HELZ: variants seen among roughly 807,000 people sequenced by gnomAD.
The protein encoded by HELZ is ATP-dependent RNA helicase with zinc finger domain.
In HELZ, 23 loss-of-function variants were observed where a neutral mutation model predicts 218.2. That is an observed-to-expected ratio of 0.11 (90% CI 0.08 to 0.15). The LOEUF (loss-of-function observed/expected upper bound fraction) is 0.15. Among genes scored for constraint, HELZ ranks in the 10% least tolerant of loss-of-function variants. The pLI is 1.00. For missense variants in HELZ, 1,813 were observed against 2,353.7 expected (o/e 0.77, Z 4.75); for synonymous variants, 814 against 829.4 (o/e 0.98, Z 0.32).
rs2039809278 is a variant in HELZ at position 67,188,243 on chromosome 17, T to C, written c.1162+76A>G. On this transcript the variant is annotated intron_variant, in intron 12 of 32. Coordinates refer to ENST00000358691, the MANE Select transcript of HELZ (RefSeq NM_014877.4). The surrounding 1 kb of genome is among the most constrained non-coding windows in gnomAD (Gnocchi z 4.1). ...CTATTCTCTTCCTATCCATGGAATA[T>C]ATTCAGGGGCCAATACATATCTTTG... 7.5e-7 allele frequency: 1 copy of C among 1,327,646 alleles called. No individual in the cohort carries two copies. 82.2% of individuals were successfully genotyped at this position (1,327,646 alleles called of 1,614,324 possible). A position where few individuals can be genotyped will look rare whatever the true frequency, so the allele number is the denominator to read the frequency against.
rs749207696 is a variant in HELZ at position 67,178,832 on chromosome 17, A to T, written c.1257T>A (p.Asn419Lys). 1 of 1,613,836 alleles carries T rather than the reference A, an allele frequency of 6.2e-7. No homozygotes were observed. Among genetic ancestry groups the T allele is most frequent in the East Asian group, 2.2e-5 (1 of 44,864 alleles). ...GGCTCTTCTCCAAATCAGTAGTTTC[A>T]TTAGGTTCAAAATCTATAATAGTCT... is the stretch of plus-strand genomic sequence containing the variant. ...SSKTIIDFEP[N>K]ETTDLEKSLL... is the part of the protein sequence containing the mutation. The change falls in exon 13 of 33, where the codon AAT becomes AAA. Residue 419 changes from asparagine (N) to lysine (K), a missense_variant. Asn to Lys is a moderately conservative substitution (Grantham distance 94, BLOSUM62 0). Around this residue, in one of 4 missense-constraint regions of HELZ, gnomAD observed 714 missense variants for 1,029.2 expected, o/e 0.69. Transcript: ENST00000358691.
intron 5 of HELZ, among the ~76,000 whole-genome samples, chr17:67,209,250 T>C (rs2040391859): frequency 6.6e-6 from 1 of 152,164 alleles, no homozygotes; most frequent in Non-Finnish European, 1.5e-5. Context: ...ATACAGTTCT[T>C]TTTGTGCCTG....
At position 67,178,836 on chromosome 17, in the gene HELZ, G is replaced by C. The variant is rs147625087; in HGVS notation, c.1253C>G (p.Pro418Arg). Residue 418 changes from proline to arginine, a missense_variant, in exon 13 of 33, where the codon CCT (proline) becomes CGT (arginine). By Grantham distance (103) the Pro-to-Arg change is moderately radical (BLOSUM62 -2). Transcript: ENST00000358691. ...CTTCTCCAAATCAGTAGTTTCATTA[G>C]GTTCAAAATCTATAATAGTCTTAGA... ...SSSKTIIDFEPNETTDLEKSL... is the reference protein window; with the variant it reads ...SSSKTIIDFERNETTDLEKSL... 1.2e-6 allele frequency: 2 copies of C among 1,613,618 alleles called. No individual in the cohort carries two copies. The highest frequency in any genetic ancestry group is 1.7e-5 in the Admixed American group (1 of 60,006).
chr17:67,224,269 G>C (rs1326127946), intron 3 of HELZ: 1 of 156,234 alleles, frequency 6.4e-6, no homozygotes, highest in Non-Finnish European at 1.4e-5. Flanking sequence ...AGAAACTACA[G>C]GGGGTTGAAT....
intron 23 of HELZ, among the ~76,000 whole-genome samples, chr17:67,133,806 C>T (rs1030804989): frequency 2.6e-5 from 4 of 152,188 alleles, no homozygotes; most frequent in African/African-American, 7.2e-5. Context: ...TGAGCCACTG[C>T]GCCTGGCCGG....
At chr17:67,106,571 T>C (rs2037110772) in intron 31 of HELZ, among the ~76,000 whole-genome samples, 1 of 152,222 alleles carries the variant, frequency 6.6e-6, no homozygotes, top group African/African-American at 2.4e-5. Flanking sequence ...CCTCCCCAAG[T>C]GCTGGGATTA....
intron 17 of HELZ, among the ~76,000 whole-genome samples, chr17:67,157,934 T>C (rs1480921985): frequency 6.6e-6 from 1 of 152,196 alleles, no homozygotes; most frequent in Non-Finnish European, 1.5e-5. Context: ...GATACTGATC[T>C]TGAGAACCAC....
Position 67,233,089 on chromosome 17 carries a change from G to A in HELZ, c.-19+6344C>T, listed in dbSNP as rs182226696. Among the ~76,000 whole-genome samples the A allele has an allele frequency of 2.7e-4, 41 of 152,326 alleles. 1 individual carries two copies. In the East Asian group the frequency reaches 5.8e-3, roughly 22 times the overall value. ...GCAGAGGTTGCAGTGAGTCGAGATC[G>A]AGCCATTGCACTCCAGCTTAGGCGA... is the stretch of plus-strand genomic sequence containing the variant. On this transcript the variant is annotated intron_variant, in intron 3 of 32. Coordinates refer to ENST00000358691, the MANE Select transcript of HELZ (RefSeq NM_014877.4).
In HELZ at chr17:67,188,291, T is replaced by C; in HGVS notation, c.1162+28A>G. ...TTGAATGTTGCTTTTTAACACATTG[T>C]ATCGGGGGAAAAAAGTCTAAATATT... On this transcript the variant is annotated intron_variant, in intron 12 of 32. Coordinates refer to ENST00000358691, the MANE Select transcript of HELZ (RefSeq NM_014877.4). This position sits in a 1 kb window ranked among gnomAD's most constrained non-coding sequence, Gnocchi z 4.1. The C allele has an allele frequency of 7.0e-6, 11 of 1,575,776 alleles. No homozygotes were observed. The highest frequency in any genetic ancestry group is 9.5e-6 in the Non-Finnish European group (11 of 1,156,112).
At chr17:67,091,708 T>C (rs2036578937) in intron 31 of HELZ, among the ~76,000 whole-genome samples, 1 of 152,182 alleles carries the variant, frequency 6.6e-6, no homozygotes, top group African/African-American at 2.4e-5. Flanking sequence ...CCTGGTAATT[T>C]TTCACTGAAA....
chr17:67,212,180 G>T (rs1353553030), intron 5 of HELZ, among the ~76,000 whole-genome samples: 1 of 151,646 alleles, frequency 6.6e-6, no homozygotes, highest in Non-Finnish European at 1.5e-5. Flanking sequence ...AATTAGCTGG[G>T]CATGATGGCA....
At position 67,135,953 on chromosome 17, in the gene HELZ, C is replaced by A; in HGVS notation, c.3182+17G>T. On this transcript the variant is annotated intron_variant, in intron 23 of 32. Transcript: ENST00000358691. ...TCACATTTCCCCTTTAATGTCTCAA[C>A]ATTAACACATAATTACCTGCATCTT... 6.3e-7 allele frequency: 1 copy of A among 1,582,082 alleles called. No homozygotes were observed.
At chr17:67,210,431 C>G (rs2040421420) in intron 5 of HELZ, among the ~76,000 whole-genome samples, 1 of 152,180 alleles carries the variant, frequency 6.6e-6, no homozygotes. Flanking sequence ...ACCCAAGCCC[C>G]TTTGTTTGCA....
intron 17 of HELZ, among the ~76,000 whole-genome samples, chr17:67,155,916 A>G (rs1208767559): frequency 6.6e-6 from 1 of 150,704 alleles, no homozygotes; most frequent in Non-Finnish European, 1.5e-5. Context: ...CAGTTGATAT[A>G]TGTATGTGTG....
chr17:67,084,076 A>T (rs1233563624), intron 32 of HELZ, among the ~76,000 whole-genome samples: 2 of 152,218 alleles, frequency 1.3e-5, no homozygotes, highest in Non-Finnish European at 2.9e-5. Context: ...TCATGTGATT[A>T]TTTTATGTCT....
At chr17:67,174,792 C>T (rs2039408555) in intron 13 of HELZ, among the ~76,000 whole-genome samples, 1 of 151,992 alleles carries the variant, frequency 6.6e-6, no homozygotes, top group South Asian at 2.1e-4. Context: ...AACGAAACTC[C>T]ATTTAAAAGA....
intron 32 of HELZ, among the ~76,000 whole-genome samples, chr17:67,083,234 T>C (rs529500603): frequency 1.1e-4 from 16 of 152,328 alleles, no homozygotes; most frequent in African/African-American, 3.8e-4. Context: ...GCCTACATCC[T>C]TGTCTAACCA....
In HELZ at chr17:67,142,325, G is replaced by T. The variant is rs546591435; in HGVS notation, c.2769+3418C>A. 2.0e-5 allele frequency among the ~76,000 whole-genome samples: 3 copies of T among 152,100 alleles called. No homozygotes were observed. In the South Asian group the frequency reaches 6.2e-4, roughly 32 times the overall value. On this transcript the variant is annotated intron_variant, in intron 21 of 32. Transcript: ENST00000358691. ...AGTTCAAGACCAGCCTGGGCAACAT[G>T]GCCAAACTCCATCTCTACAAAAAAT...
rs200749185 is a variant in HELZ at position 67,123,100 on chromosome 17, G to A, written c.3500C>T (p.Pro1167Leu). 5.0e-6 allele frequency: 8 copies of A among 1,613,470 alleles called. No individual in the cohort carries two copies. In the African/African-American group the frequency reaches 9.3e-5, roughly 19 times the overall value. Residue 1167 changes from proline to leucine, a missense_variant, in exon 26 of 33, where the codon CCT becomes CTT. By Grantham distance (98) the Pro-to-Leu change is moderately conservative. Around this residue, in one of 4 missense-constraint regions of HELZ, gnomAD observed 938 missense variants for 1,027.5 expected, o/e 0.91. Transcript: ENST00000358691. ...NPIRAYTPPP[P>L]LGPHPNLGKS... ...TCCCAAATTTGGGTGAGGTCCAAGAGGGGGTGGAGGAGTATATGCTCTAAT... is the reference window on the plus strand; with the variant it reads ...TCCCAAATTTGGGTGAGGTCCAAGAAGGGGTGGAGGAGTATATGCTCTAAT...
Sources: gnomAD v4.1 joint callset for allele counts (sites outside exome capture counted in the v4.1 genomes callset) on GRCh38, gnomAD v4.1.1 for gene constraint, gnomAD v4.1.1 regional missense constraint, Gnocchi (gnomAD v3.1) non-coding constraint, MANE v1.5 for transcripts, NCBI Gene and HGNC (gene_info 2026-07-23, HGNC 2026-07-21) for gene names.